TATDN2: variants seen among roughly 807,000 people sequenced by gnomAD.
TATDN2 encodes TatD DNase domain containing 2.
Under a neutral mutation model 60.3 loss-of-function variants are expected in TATDN2, and 44 were observed. The ratio of observed to expected loss-of-function variants is 0.73; its 90% confidence interval spans 0.57 to 0.94. The LOEUF (loss-of-function observed/expected upper bound fraction) is 0.94, where lower values mean the gene tolerates loss of function less well. Ranked by LOEUF, TATDN2 falls within the 40% of genes least tolerant of loss-of-function variation. The pLI, the probability that TATDN2 is intolerant of heterozygous loss-of-function variation, is 0.00. For missense variants in TATDN2, 997 were observed against 948.0 expected (o/e 1.05, Z -0.68); for synonymous variants, 399 against 355.8 (o/e 1.12, Z -1.37).
At position 10,270,254 on chromosome 3, in the gene TATDN2, C is replaced by T. The variant is rs139610197; in HGVS notation, c.1072C>T (p.Pro358Ser). ...EPVSLKPSAV[P>S]EPSSFTTDYV... is the part of the protein sequence containing the mutation. Reference sequence around the variant, plus strand: ...TGTCTCCCTGAAACCTTCAGCCGTTCCGGAGCCTTCTTCCTTCACCACCGA... The same window carrying T: ...TGTCTCCCTGAAACCTTCAGCCGTTTCGGAGCCTTCTTCCTTCACCACCGA... Residue 358 changes from proline (P) to serine (S), a missense_variant, in exon 4 of 8, where the codon CCG becomes TCG. Coordinates refer to ENST00000448281, the MANE Select transcript of TATDN2 (RefSeq NM_014760.4). The T allele has an allele frequency of 2.5e-6, 4 of 1,614,044 alleles. No individual in the cohort carries two copies. The African/African-American group carries it at 4.0e-5, about 16-fold the overall frequency.
At chr3:10,276,198 T>C (rs1698634319) in intron 4 of TATDN2, among the ~76,000 whole-genome samples, 163 bp from the exon 5 acceptor site, 1 of 152,238 alleles carries the variant, frequency 6.6e-6, no homozygotes, top group Non-Finnish European at 1.5e-5. Context: ...CTTTGGGCAC[T>C]ACCTGGCTCT....
At chr3:10,266,920 A>G (rs1698484301) in intron 3 of TATDN2, among the ~76,000 whole-genome samples, 1 of 139,714 alleles carries the variant, frequency 7.2e-6, no homozygotes, top group African/African-American at 2.6e-5. Flanking sequence ...GCTTAAACTA[A>G]CTAAGGCAGT....
At chr3:10,275,830 G>T (rs999263378) in intron 4 of TATDN2, among the ~76,000 whole-genome samples, 20 of 152,112 alleles carry the variant, frequency 1.3e-4, no homozygotes, top group Non-Finnish European at 5.9e-5. Flanking sequence ...ACAAATATTT[G>T]AGTACCTTCT....
At position 10,249,350 on chromosome 3, in the gene TATDN2, C is replaced by T; in HGVS notation, c.150C>T (p.Ser50=). 6.2e-7 allele frequency: 1 copy of T among 1,612,454 alleles called. No homozygotes were observed. The highest frequency in any genetic ancestry group is 8.5e-7 in the Non-Finnish European group (1 of 1,178,964). ...CTGCGTCGCGTTCTGGAGGGCCCAG[C>T]AGCCCCAAGCGCCTGAAAGCCCAGA... ...QRSASRSGGP[S]SPKRLKAQKE... Residue 50 remains serine (S), a synonymous_variant, in exon 2 of 8, where the codon AGC becomes AGT. Transcript: ENST00000448281.
rs1016953345 is a variant in TATDN2 at position 10,255,761 on chromosome 3, G to A, written c.415-4376G>A. ...GTTTAAAACCAGCTTGGCCAACATG[G>A]AGAAACCTCGTCTCTACCAAAAATA... On this transcript the variant is annotated intron_variant, in intron 2 of 7. Coordinates refer to ENST00000448281, the MANE Select transcript of TATDN2 (RefSeq NM_014760.4). 9.9e-5 allele frequency among the ~76,000 whole-genome samples: 15 copies of A among 152,236 alleles called. No homozygotes were observed. The East Asian group carries it at 2.9e-3, about 29-fold the overall frequency.
chr3:10,277,238 A>C (rs1698652902), intron 5 of TATDN2, among the ~76,000 whole-genome samples: 1 of 152,238 alleles, frequency 6.6e-6, no homozygotes, highest in Non-Finnish European at 1.5e-5. Context: ...ATGTTTTATC[A>C]GAATGGCATC....
chr3:10,253,487 T>C (rs1422571390), intron 2 of TATDN2, among the ~76,000 whole-genome samples: 4 of 152,214 alleles, frequency 2.6e-5, no homozygotes, highest in Non-Finnish European at 5.9e-5. Flanking sequence ...TCCAGGACAG[T>C]TGGAGATGTT....
chr3:10,252,367 A>C (rs1698243987), intron 2 of TATDN2, among the ~76,000 whole-genome samples: 1 of 152,090 alleles, frequency 6.6e-6, no homozygotes, highest in Admixed American at 6.5e-5. Context: ...GCATTGTAGA[A>C]AGATCACTCT....
chr3:10,267,287 C>G lies in TATDN2; in HGVS notation c.949-2844C>G, dbSNP rs139071770. ...ACACCCCCCGACAAAAAAAAAAAAT[C>G]TGAAAACATTTTCTTGGCCAACTTG... On this transcript the variant is annotated intron_variant, in intron 3 of 7. Transcript: ENST00000448281. 2.3e-3 allele frequency among the ~76,000 whole-genome samples: 348 copies of G among 150,890 alleles called. 1 individual carries two copies. Among genetic ancestry groups the G allele is most frequent in the African/African-American group, 8.0e-3 (329 of 41,096 alleles).
At chr3:10,256,596 G>A (rs538064933) in intron 2 of TATDN2, among the ~76,000 whole-genome samples, 4 of 152,074 alleles carry the variant, frequency 2.6e-5, no homozygotes, top group African/African-American at 9.6e-5. Context: ...CAATATTTCT[G>A]GTTTTACTTG....
At position 10,278,214 on chromosome 3, in the gene TATDN2, G is replaced by T. The variant is rs189759114; in HGVS notation, c.1962-65G>T. ...ATCATTGAAAAGGGGTGATGGGTGT[G>T]GGGGGAGCTGGGGGCTGCTGCAGAG... On this transcript the variant is annotated intron_variant, in intron 5 of 7. Coordinates refer to ENST00000448281, the MANE Select transcript of TATDN2 (RefSeq NM_014760.4). The surrounding 1 kb of genome is among the most constrained non-coding windows in gnomAD (Gnocchi z 4.7). 6.9e-5 allele frequency: 106 copies of T among 1,538,128 alleles called. 1 individual carries two copies. In the South Asian group the frequency reaches 9.5e-4, roughly 14 times the overall value.
Position 10,258,473 on chromosome 3 carries a change from CTT to C in TATDN2, c.415-1651_415-1650del, listed in dbSNP as rs62666361. Reference sequence around the variant, plus strand: ...TTGTAATTTTATTTTTATTTTGCTTCTTTTTTTTTTTTTTGAGACAGAGTTTT... The same window carrying C: ...TTGTAATTTTATTTTTATTTTGCTTCTTTTTTTTTTTTGAGACAGAGTTTT... On this transcript the variant is annotated intron_variant, in intron 2 of 7. Coordinates refer to ENST00000448281, the MANE Select transcript of TATDN2 (RefSeq NM_014760.4). 6.2e-4 allele frequency among the ~76,000 whole-genome samples: 88 copies of C among 142,966 alleles called. 2 individuals are homozygous for C. In the East Asian group the frequency reaches 0.011, roughly 18 times the overall value. The allele number at this position is 142,966 out of a possible 152,430, so 93.8% of individuals were successfully genotyped here. A position where few individuals can be genotyped will look rare whatever the true frequency, so the allele number is the denominator to read the frequency against.
rs561160962 is a variant in TATDN2 at position 10,278,894 on chromosome 3, A to G, written c.2155A>G (p.Ser719Gly). 1 of 1,613,816 alleles carries G rather than the reference A, an allele frequency of 6.2e-7. No homozygotes were observed. Among genetic ancestry groups the G allele is most frequent in the East Asian group, 2.2e-5 (1 of 44,882 alleles). The change falls in exon 7 of 8, where the codon AGC becomes GGC. Residue 719 changes from serine (S) to glycine (G), a missense_variant. Transcript: ENST00000448281. This position sits in a 1 kb window ranked among gnomAD's most constrained non-coding sequence, Gnocchi z 4.7. ...ACTTGATGTCTTCCAGGTTCCCAAA[A>G]GCCTTTGCCAGTATGCCCACCCGGG... ...PYFLPRQVPK[S>G]LCQYAHPGLA...
intron 3 of TATDN2, among the ~76,000 whole-genome samples, chr3:10,263,316 C>T (rs566792533): frequency 5.9e-5 from 9 of 151,896 alleles, no homozygotes; most frequent in Admixed American, 2.6e-4. Flanking sequence ...CCCTTTCAAT[C>T]TAGAAACCCT....
Position 10,270,218 on chromosome 3 carries a change from C to G in TATDN2, c.1036C>G (p.Gln346Glu), listed in dbSNP as rs748894179. ...GGAGATCTCCACAGTCAGATTCTCT[C>G]AGGAGGAACCTGTCTCCCTGAAACC... ...VEEISTVRFS[Q>E]EEPVSLKPSA... Residue 346 changes from glutamine to glutamate, a missense_variant, in exon 4 of 8, where the codon CAG (glutamine) becomes GAG (glutamate). Physicochemically the swap from Gln to Glu is conservative, Grantham distance 29 (BLOSUM62 2). Transcript: ENST00000448281. 6.2e-7 allele frequency: 1 copy of G among 1,614,188 alleles called. No individual in the cohort carries two copies. The highest frequency in any genetic ancestry group is 1.7e-5 in the Admixed American group (1 of 60,028).
chr3:10,260,512 G>A lies in TATDN2; in HGVS notation c.790G>A (p.Val264Met), dbSNP rs1478662565. 1 of 1,613,998 alleles carries A rather than the reference G, an allele frequency of 6.2e-7. No homozygotes were observed. Among genetic ancestry groups the A allele is most frequent in the African/African-American group, 1.3e-5 (1 of 74,928 alleles). ...GGTCAGCATGGAGGAGGATAAGACA[G>A]TGCCAGAGAGGAGCAGCTTCTATGA... is the stretch of plus-strand genomic sequence containing the variant. ...PEVSMEEDKT[V>M]PERSSFYDRR... Residue 264 changes from valine (V) to methionine (M), a missense_variant, in exon 3 of 8, where the codon GTG becomes ATG. By Grantham distance (21) the Val-to-Met change is conservative. Coordinates refer to ENST00000448281, the MANE Select transcript of TATDN2 (RefSeq NM_014760.4).
chr3:10,267,556 C>G (rs1308341690), intron 3 of TATDN2, among the ~76,000 whole-genome samples: 1 of 152,160 alleles, frequency 6.6e-6, no homozygotes, highest in Non-Finnish European at 1.5e-5. Flanking sequence ...ATAGATTCAT[C>G]CTTTTCTCCC....
At position 10,278,349 on chromosome 3, in the gene TATDN2, T is replaced by C. The variant is rs1222424944; in HGVS notation, c.2032T>C (p.Phe678Leu). Residue 678 changes from phenylalanine (F) to leucine (L), a missense_variant, in exon 6 of 8, where the codon TTC becomes CTC. By Grantham distance (22) the Phe-to-Leu change is conservative. Coordinates refer to ENST00000448281, the MANE Select transcript of TATDN2 (RefSeq NM_014760.4). The surrounding 1 kb of genome is among the most constrained non-coding windows in gnomAD (Gnocchi z 4.7). ...GTACTTTCCCAACATGTCTGTGGGC[T>C]TCACGGCAGTGCTGACATACTCCTC... ...LKYFPNMSVG[F>L]TAVLTYSSAW... 34 of 1,614,218 alleles carry C rather than the reference T, an allele frequency of 2.1e-5. No homozygotes were observed. The highest frequency in any genetic ancestry group is 2.7e-5 in the Non-Finnish European group (32 of 1,180,028).
chr3:10,270,709 A>G lies in TATDN2; in HGVS notation c.1527A>G (p.Leu509=), dbSNP rs145709281. ...HCHLDMLYSK[L]SFQGTFTKFR... is the part of the protein sequence containing the mutation. Reference sequence around the variant, plus strand: ...ACCTGGACATGCTCTATTCCAAGCTATCTTTCCAAGGGACCTTTACAAAGT... The same window carrying G: ...ACCTGGACATGCTCTATTCCAAGCTGTCTTTCCAAGGGACCTTTACAAAGT... Residue 509 remains leucine, a synonymous_variant, in exon 4 of 8, where the codon CTA becomes CTG. Coordinates refer to ENST00000448281, the MANE Select transcript of TATDN2 (RefSeq NM_014760.4). 115 of 1,614,118 alleles carry G rather than the reference A, an allele frequency of 7.1e-5. No homozygotes were observed. The highest frequency in any genetic ancestry group is 1.6e-4 in the South Asian group (15 of 91,090).
Sources: gnomAD v4.1 joint callset for allele counts (sites outside exome capture counted in the v4.1 genomes callset) on GRCh38, gnomAD v4.1.1 for gene constraint, Gnocchi (gnomAD v3.1) non-coding constraint, MANE v1.5 for transcripts, NCBI Gene and HGNC (gene_info 2026-07-23, HGNC 2026-07-21) for gene names.